BOD1L1: variants seen among roughly 807,000 people sequenced by gnomAD.
BOD1L1 encodes the protein biorientation of chromosomes in cell division 1 like 1, also known as biorientation of chromosomes in cell division protein 1-like 1.
A neutral mutation model predicts 240.7 loss-of-function variants in BOD1L1; 86 were observed. That is an observed-to-expected ratio of 0.36 (90% CI 0.30 to 0.43). The LOEUF (loss-of-function observed/expected upper bound fraction) is 0.43, where lower values mean the gene tolerates loss of function less well. Ranked by LOEUF, BOD1L1 falls within the 20% of genes least tolerant of loss-of-function variation. The pLI, the probability that BOD1L1 is intolerant of heterozygous loss-of-function variation, is 1.00. For missense variants in BOD1L1, 3,554 were observed against 3,643.5 expected, an observed-to-expected ratio of 0.98 and a Z score of 0.63; for synonymous variants, 1,268 against 1,272.3, an observed-to-expected ratio of 1.00 and a Z score of 0.07.
At chr4:13,611,622 T>C (rs944729450) in intron 5 of BOD1L1, among the ~76,000 whole-genome samples, 6 of 152,246 alleles carry the variant, frequency 3.9e-5, no homozygotes, top group Admixed American at 1.3e-4. Context: ...TAGACTGGGC[T>C]TCAGTTTGCC....
At chr4:13,582,800 C>T (rs2108895934) in intron 17 of BOD1L1, 64 bp from the exon 18 acceptor site, 1 of 1,107,812 alleles carries the variant, frequency 9.0e-7, no homozygotes, top group Non-Finnish European at 1.3e-6. Flanking sequence ...ATTCATCCTC[C>T]CCACACAAGT....
At chr4:13,611,130 T>G in intron 5 of BOD1L1, 30 bp from the exon 6 acceptor site, 1 of 1,503,506 alleles carries the variant, frequency 6.7e-7, no homozygotes, top group Non-Finnish European at 9.1e-7. Context: ...AAGAGGAGTA[T>G]GTCTGTGAAT....
intron 1 of BOD1L1, among the ~76,000 whole-genome samples, chr4:13,623,018 C>T (rs1717143590): frequency 6.6e-6 from 1 of 152,204 alleles, no homozygotes; most frequent in Non-Finnish European, 1.5e-5. Context: ...TTGGAATGCT[C>T]AAGCCCCAGA....
Position 13,604,596 on chromosome 4 carries a change from T to C in BOD1L1, c.2304A>G (p.Val768=). Residue 768 remains valine (V), a synonymous_variant, in exon 10 of 26, where the codon GTA becomes GTG. Coordinates refer to ENST00000040738, the MANE Select transcript of BOD1L1 (RefSeq NM_148894.3). ...ELHSSEKGLK[V]EENIQKQSQQ... Reference sequence around the variant, plus strand: ...GACTTTGCTTTTGAATATTTTCCTCTACTTTTAAACCTTTCTCAGAAGAGT... The same window carrying C: ...GACTTTGCTTTTGAATATTTTCCTCCACTTTTAAACCTTTCTCAGAAGAGT... The C allele has an allele frequency of 6.4e-7, 1 of 1,572,026 alleles. No individual in the cohort carries two copies.
intron 2 of BOD1L1, among the ~76,000 whole-genome samples, chr4:13,616,636 G>A (rs1041347504): frequency 2.6e-5 from 4 of 152,190 alleles, no homozygotes; most frequent in African/African-American, 9.7e-5. Flanking sequence ...TGCTCTCTAT[G>A]GAATGGATGA....
rs771613455 is a variant in BOD1L1 at position 13,604,438 on chromosome 4, C to T, written c.2462G>A (p.Arg821His). 2.6e-5 allele frequency: 41 copies of T among 1,567,110 alleles called. No individual in the cohort carries two copies. The highest frequency in any genetic ancestry group is 8.6e-5 in the Admixed American group (4 of 46,416). The change falls in exon 10 of 26, where the codon CGT (arginine) becomes CAT (histidine). Residue 821 changes from arginine (R) to histidine (H), a missense_variant. By Grantham distance (29) the Arg-to-His change is conservative (BLOSUM62 0). Coordinates refer to ENST00000040738, the MANE Select transcript of BOD1L1 (RefSeq NM_148894.3). ...EYIIKTDENV[R>H]KENNKKERRL... The stretch of plus-strand genomic sequence containing the variant: ...TCTCTCTTTTTTGTTGTTTTCTTTA[C>T]GAACATTCTCATCTGTTTTTATAAT...
chr4:13,614,180 G>T lies in BOD1L1; in HGVS notation c.1174+16C>A, dbSNP rs1249011530. On this transcript the variant is annotated intron_variant, in intron 4 of 25. Coordinates refer to ENST00000040738, the MANE Select transcript of BOD1L1 (RefSeq NM_148894.3). ...TGTTCTTTAAACTTTGTAGATGTTT[G>T]CAAGTTTTTATATACCTTCTTTTGT... The T allele has an allele frequency of 8.2e-6, 12 of 1,471,504 alleles. No homozygotes were observed. The highest frequency in any genetic ancestry group is 1.1e-5 in the Non-Finnish European group (12 of 1,114,986). The allele number at this position is 1,471,504 out of a possible 1,614,324, so 91.2% of individuals were successfully genotyped here.
Position 13,599,949 on chromosome 4 carries a change from G to A in BOD1L1, c.6951C>T (p.Thr2317=). The A allele has an allele frequency of 1.2e-6, 2 of 1,612,782 alleles. No homozygotes were observed. Among genetic ancestry groups the A allele is most frequent in the Non-Finnish European group, 1.7e-6 (2 of 1,179,316 alleles). The change falls in exon 10 of 26, where the codon ACC becomes ACT. Residue 2317 remains threonine, a synonymous_variant. Transcript: ENST00000040738. The part of the protein sequence containing the change: ...GAVLQDEDRL[T]ITRVEDLSDA... ...CGCTCAAGTCTTCTACTCTTGTGAT[G>A]GTGAGCCGATCTTCATCCTGGAGGA...
chr4:13,576,562 A>G (rs1560177951), intron 25 of BOD1L1, among the ~76,000 whole-genome samples: 1 of 152,208 alleles, frequency 6.6e-6, no homozygotes, highest in East Asian at 1.9e-4. Flanking sequence ...AGGATGGCAG[A>G]TGCTCAAAAA....
intron 14 of BOD1L1, among the ~76,000 whole-genome samples, chr4:13,589,352 T>C (rs925900928): frequency 5.3e-5 from 8 of 152,314 alleles, no homozygotes; most frequent in Non-Finnish European, 5.9e-5. Context: ...ACATACACAG[T>C]AGCATTCTTT....
At position 13,604,017 on chromosome 4, in the gene BOD1L1, T is replaced by C. The variant is rs757409085; in HGVS notation, c.2883A>G (p.Glu961=). The change falls in exon 10 of 26, where the codon GAA becomes GAG. Residue 961 remains glutamate, a synonymous_variant. Coordinates refer to ENST00000040738, the MANE Select transcript of BOD1L1 (RefSeq NM_148894.3). ...DSEKQRKSKV[E]DKPFEETGVE... ...CACCAGTTTCTTCAAAAGGTTTGTC[T>C]TCAACTTTAGACTTACGCTGTTTTT... 3.0e-5 allele frequency: 48 copies of C among 1,613,874 alleles called. No individual in the cohort carries two copies. The highest frequency in any genetic ancestry group is 2.0e-4 in the Admixed American group (12 of 60,008).
At chr4:13,590,572 C>T (rs1714121763) in intron 13 of BOD1L1, 126 bp from the exon 14 acceptor site, 1 of 440,202 alleles carries the variant, frequency 2.3e-6, no homozygotes, top group Non-Finnish European at 4.2e-6. Flanking sequence ...AATTGGGGTA[C>T]ATATTCTTTT....
chr4:13,611,090 C>G lies in BOD1L1; in HGVS notation c.1335G>C (p.Lys445Asn), dbSNP rs762344429. The change falls in exon 6 of 26, where the codon AAG becomes AAC. Residue 445 changes from lysine to asparagine, a missense_variant. Transcript: ENST00000040738. ...GAGTTTTTGTTTTATTCTGTTTGTTCTTCTCTTCATCTGTAAGAAAGTTAA... is the reference window on the plus strand; with the variant it reads ...GAGTTTTTGTTTTATTCTGTTTGTTGTTCTCTTCATCTGTAAGAAAGTTAA... ...EGEITSDDEE[K>N]NKQNKTKTQT... The G allele has an allele frequency of 5.6e-6, 9 of 1,599,706 alleles. No individual in the cohort carries two copies. In the South Asian group the frequency reaches 8.9e-5, roughly 16 times the overall value.
Position 13,610,956 on chromosome 4 carries a change from A to C in BOD1L1, c.1469T>G (p.Val490Gly). Residue 490 changes from valine to glycine, a missense_variant, in exon 6 of 26, where the codon GTA becomes GGA. Transcript: ENST00000040738. ...TACAATGGACTGTCGTCGTTGTTCT[A>C]CAGTAAGCTCATCATCAGAATCACT... ...YYSDSDDELT[V>G]EQRRQSIAKE... The C allele has an allele frequency of 6.2e-7, 1 of 1,609,764 alleles. No homozygotes were observed. Among genetic ancestry groups the C allele is most frequent in the South Asian group, 1.1e-5 (1 of 90,074 alleles).
intron 17 of BOD1L1, among the ~76,000 whole-genome samples, chr4:13,583,661 G>A (rs954516818): frequency 2.6e-5 from 4 of 152,198 alleles, no homozygotes; most frequent in Non-Finnish European, 5.9e-5. Flanking sequence ...GGATGACACA[G>A]AGCTTCTGCT....
chr4:13,595,795 G>T, intron 12 of BOD1L1, 65 bp downstream of exon 12: 1 of 1,344,920 alleles, frequency 7.4e-7, no homozygotes, highest in Non-Finnish European at 1.1e-6. Flanking sequence ...TTGATTTTTA[G>T]AAAGGTAAAA....
rs1405134374 is a variant in BOD1L1, at chr4:13,600,239, T to C, written c.6661A>G (p.Thr2221Ala). Residue 2221 changes from threonine (T) to alanine (A), a missense_variant, in exon 10 of 26, where the codon ACT becomes GCT. Thr to Ala is a moderately conservative substitution (Grantham distance 58, BLOSUM62 0). Transcript: ENST00000040738. Reference sequence around the variant, plus strand: ...GCCTCACATTCTTCTGCTATGCTAGTGGAAATGAGAGCACATTCATCCTTC... The same window carrying C: ...GCCTCACATTCTTCTGCTATGCTAGCGGAAATGAGAGCACATTCATCCTTC... ...EEKDECALIS[T>A]SIAEECEASV... The C allele has an allele frequency of 6.2e-7, 1 of 1,614,020 alleles. No individual in the cohort carries two copies.
intron 1 of BOD1L1, chr4:13,623,570 T>C (rs188673869): frequency 2.6e-3 from 392 of 152,476 alleles, no homozygotes; most frequent in African/African-American, 8.9e-3. Context: ...TGCCCATGGT[T>C]CCATTTCTTT....
intron 25 of BOD1L1, among the ~76,000 whole-genome samples, chr4:13,576,178 G>A (rs1712720025): frequency 1.3e-5 from 2 of 151,736 alleles, no homozygotes; most frequent in African/African-American, 2.4e-5. Flanking sequence ...GGGATTACAG[G>A]CGTGAGTCAC....
Sources: gnomAD v4.1 joint callset for allele counts (sites outside exome capture counted in the v4.1 genomes callset) on GRCh38, gnomAD v4.1.1 for gene constraint, MANE v1.5 for transcripts, NCBI Gene and HGNC (gene_info 2026-07-23, HGNC 2026-07-21) for gene names.